The following SHQ1 variants were observed in gnomAD, a reference collection of about 807,000 sequenced individuals.
SHQ1 encodes the protein protein SHQ1 homolog.
In SHQ1, 49 loss-of-function variants were observed where a neutral mutation model predicts 53.8. The observed-to-expected ratio is 0.91, with a 90% CI of 0.72 to 1.16. SHQ1 has a LOEUF of 1.16. SHQ1 is among the 50% of genes most tolerant of loss of function. SHQ1 has a pLI of 0.00. For missense variants in SHQ1, 738 were observed against 683.1 expected (o/e 1.08, Z -0.90); for synonymous variants, 243 against 251.0 (o/e 0.97, Z 0.30).
intron 6 of SHQ1, among the ~76,000 whole-genome samples, chr3:72,823,168 G>C (rs948622084): frequency 7.2e-6 from 1 of 138,688 alleles, no homozygotes; most frequent in Admixed American, 7.1e-5. Flanking sequence ...AAAAAAAAAA[G>C]AGTCACTATA....
chr3:72,800,414 T>A (rs1057315928), intron 9 of SHQ1, among the ~76,000 whole-genome samples: 1 of 152,214 alleles, frequency 6.6e-6, no homozygotes, highest in Non-Finnish European at 1.5e-5. Context: ...TTCTTCCTTG[T>A]TTCATAAATG....
chr3:72,742,685 C>T, the SHQ1 span, among the ~76,000 whole-genome samples: 1 of 140,636 alleles, frequency 7.1e-6, no homozygotes, highest in African/African-American at 2.7e-5. Flanking sequence ...GGCATAATCT[C>T]GGCTCACTGC....
rs145004940 is a variant in SHQ1 at position 72,773,770 on chromosome 3, A to G, written c.1181+19146T>C. On this transcript the variant is annotated intron_variant, in intron 10 of 10. Coordinates refer to ENST00000325599, the MANE Select transcript of SHQ1 (RefSeq NM_018130.3). ...CAATGTGGAGTAGGGAATCAAAGAC[A>G]GAAACACATGACTTACAGAACCCAA... 5.5e-3 allele frequency among the ~76,000 whole-genome samples: 844 copies of G among 152,370 alleles called. 8 individuals carry two copies. The highest frequency in any genetic ancestry group is 0.018 in the African/African-American group (752 of 41,588).
intron 2 of SHQ1, among the ~76,000 whole-genome samples, chr3:72,843,475 A>C (rs1708239230): frequency 6.6e-6 from 1 of 152,182 alleles, no homozygotes; most frequent in African/African-American, 2.4e-5. Context: ...GGAACTTACT[A>C]CATTATTTAG....
At chr3:72,806,686 T>C (rs974682916) in intron 9 of SHQ1, among the ~76,000 whole-genome samples, 4 of 152,204 alleles carry the variant, frequency 2.6e-5, no homozygotes, top group African/African-American at 9.7e-5. Flanking sequence ...CACATTTTCA[T>C]AGCAGAAACT....
intron 5 of SHQ1, among the ~76,000 whole-genome samples, chr3:72,827,323 G>C (rs1354243726): frequency 6.6e-6 from 1 of 151,872 alleles, no homozygotes; most frequent in African/African-American, 2.4e-5. Flanking sequence ...AGATATGAGA[G>C]TCATAAGCAT....
At chr3:72,809,696 CACCTG>C (rs1033368650) in intron 9 of SHQ1, 3 of 152,230 alleles carry the variant, frequency 2.0e-5, no homozygotes, top group African/African-American at 7.2e-5. Flanking sequence ...CGGTGGCTCA[CACCTG>C]TAATCCCAGC....
In SHQ1 at chr3:72,824,538, C is replaced by CA; in HGVS notation, c.612dup (p.Glu205Ter). The CA allele has an allele frequency of 6.2e-7, 1 of 1,607,262 alleles. No individual in the cohort carries two copies. Among genetic ancestry groups the CA allele is most frequent in the Non-Finnish European group, 8.5e-7 (1 of 1,177,968 alleles). On this transcript the variant is annotated frameshift_variant, in exon 6 of 11. Transcript: ENST00000325599. LOFTEE classifies it high-confidence loss of function. ...AAAATCTGTTCAATCGCCTCATCTT[C>CA]AAAAAAGTCAGCTCTAGGAAAAAAC...
the SHQ1 span, among the ~76,000 whole-genome samples, chr3:72,742,298 A>G: frequency 1.3e-5 from 2 of 152,276 alleles, no homozygotes; most frequent in South Asian, 2.1e-4. Flanking sequence ...CACCTAGAGG[A>G]TCTAGGCATC....
rs369004249 is a variant in SHQ1 at position 72,841,546 on chromosome 3, T to C, written c.332-347A>G. ...TAAAAACAGGCAAAACAGAGGATAG[T>C]GGTTACCCTGGAGAGAGGGCAAAGT... On this transcript the variant is annotated intron_variant, in intron 3 of 10. Transcript: ENST00000325599. 3.9e-5 allele frequency among the ~76,000 whole-genome samples: 6 copies of C among 152,200 alleles called. No individual in the cohort carries two copies. In the East Asian group the frequency reaches 9.7e-4, roughly 25 times the overall value.
chr3:72,728,655 T>G, the SHQ1 span, among the ~76,000 whole-genome samples: 1 of 152,206 alleles, frequency 6.6e-6, no homozygotes, highest in Non-Finnish European at 1.5e-5. Flanking sequence ...TTCCTTGCCG[T>G]GTGACTTGGG....
At chr3:72,832,092 T>C (rs1278876733) in intron 5 of SHQ1, among the ~76,000 whole-genome samples, 1 of 152,168 alleles carries the variant, frequency 6.6e-6, no homozygotes, top group Non-Finnish European at 1.5e-5. Context: ...ATGAATTCAG[T>C]ATTATATTTT....
intron 10 of SHQ1, among the ~76,000 whole-genome samples, chr3:72,763,068 G>C (rs1350813405): frequency 7.3e-5 from 11 of 150,486 alleles, no homozygotes; most frequent in African/African-American, 2.5e-4. Flanking sequence ...CACACAGAGA[G>C]AGAGAGAGAG....
At chr3:72,748,987 A>T (rs910279252), downstream of SHQ1, among the ~76,000 whole-genome samples, 1 of 151,930 alleles carries the variant, frequency 6.6e-6, no homozygotes, top group African/African-American at 2.4e-5. Flanking sequence ...ACACACACAC[A>T]CACACACACA....
chr3:72,770,488 A>G (rs1271232530), intron 10 of SHQ1, among the ~76,000 whole-genome samples: 1 of 152,222 alleles, frequency 6.6e-6, no homozygotes, highest in Non-Finnish European at 1.5e-5. Context: ...TTTGAGCCAG[A>G]CTACATCTCA....
At chr3:72,834,349 C>T (rs1707928680) in intron 4 of SHQ1, among the ~76,000 whole-genome samples, 1 of 152,046 alleles carries the variant, frequency 6.6e-6, no homozygotes, top group Admixed American at 6.6e-5. Flanking sequence ...GCCAACATGG[C>T]GAAACCCCGT....
At position 72,829,177 on chromosome 3, in the gene SHQ1, T is replaced by C. The variant is rs76462405; in HGVS notation, c.599+3192A>G. On this transcript the variant is annotated intron_variant, in intron 5 of 10. Coordinates refer to ENST00000325599, the MANE Select transcript of SHQ1 (RefSeq NM_018130.3). ...AATAGAGTGAAAAATGGGGCATCAA[T>C]CAAGTTAGAAAATTCACAAAGACTT... Among the ~76,000 whole-genome samples the C allele has an allele frequency of 9.7e-3, 1,481 of 152,246 alleles. 24 individuals are homozygous for C. The highest frequency in any genetic ancestry group is 0.035 in the African/African-American group (1,434 of 41,534).
intron 10 of SHQ1, chr3:72,772,687 C>CTCA (rs1705880302): frequency 1.4e-6 from 1 of 725,796 alleles, no homozygotes; most frequent in Non-Finnish European, 2.6e-6. Flanking sequence ...CAAGTAAGAG[C>CTCA]TTGATGGTGC....
the SHQ1 span, among the ~76,000 whole-genome samples, chr3:72,739,498 G>A: frequency 1.3e-5 from 2 of 152,202 alleles, no homozygotes; most frequent in African/African-American, 2.4e-5. Context: ...GGTAAAGATG[G>A]GGTTCGGAAG....
Sources: gnomAD v4.1 joint callset for allele counts (sites outside exome capture counted in the v4.1 genomes callset) on GRCh38, gnomAD v4.1.1 for gene constraint, MANE v1.5 for transcripts, NCBI Gene and HGNC (gene_info 2026-07-23, HGNC 2026-07-21) for gene names.